The following CPQ variants were observed in gnomAD, a reference collection of about 807,000 sequenced individuals.
CPQ encodes Ser-Met dipeptidase.
CPQ carries 37 observed loss-of-function variants against 45.7 expected under a neutral mutation model. That is an observed-to-expected ratio of 0.81 (90% CI 0.62 to 1.07). The LOEUF (loss-of-function observed/expected upper bound fraction) is 1.07. Among genes scored for constraint, CPQ ranks in the 50% least tolerant of loss-of-function variants. The pLI, the probability that CPQ is intolerant of heterozygous loss-of-function variation, is 0.00. For synonymous variants in CPQ, 186 were observed against 205.8 expected (o/e 0.90, Z 0.82); for missense variants, 537 against 572.9 (o/e 0.94, Z 0.64).
intron 5 of CPQ, among the ~76,000 whole-genome samples, chr8:96,989,669 C>G (rs964573252): frequency 3.9e-5 from 6 of 152,110 alleles, no homozygotes; most frequent in African/African-American, 1.4e-4. Flanking sequence ...TCCAAAGGCT[C>G]TCAGCTGTGA....
intron 3 of CPQ, among the ~76,000 whole-genome samples, chr8:96,836,610 CAT>C (rs1367856987): frequency 6.6e-6 from 1 of 152,146 alleles, no homozygotes; most frequent in Admixed American, 6.5e-5. Context: ...CTTGGAATAA[CAT>C]ATTCAGCAAG....
At chr8:96,704,094 A>G (rs1563473886) in intron 1 of CPQ, among the ~76,000 whole-genome samples, 2 of 152,200 alleles carry the variant, frequency 1.3e-5, no homozygotes, top group Non-Finnish European at 1.5e-5. Flanking sequence ...ATATAGCAGT[A>G]AGACAAAGCC....
At chr8:97,135,160 G>A (rs753301659) in intron 7 of CPQ, among the ~76,000 whole-genome samples, 1 of 152,174 alleles carries the variant, frequency 6.6e-6, no homozygotes, top group Non-Finnish European at 1.5e-5. Context: ...GCTTAGTGGC[G>A]CACCTAAAAC....
chr8:96,718,709 G>C (rs1308968042), intron 1 of CPQ, among the ~76,000 whole-genome samples: 1 of 152,136 alleles, frequency 6.6e-6, no homozygotes, highest in Non-Finnish European at 1.5e-5. Flanking sequence ...TGGTAGAGCC[G>C]AGTGGTCTGT....
intron 3 of CPQ, among the ~76,000 whole-genome samples, chr8:96,845,884 A>T (rs956013271): frequency 1.3e-5 from 2 of 152,128 alleles, no homozygotes; most frequent in African/African-American, 4.8e-5. Flanking sequence ...AAATGGCGCG[A>T]TCTCGGCTCA....
intron 3 of CPQ, among the ~76,000 whole-genome samples, chr8:96,866,464 T>G (rs1227304153): frequency 6.6e-6 from 1 of 152,208 alleles, no homozygotes; most frequent in Non-Finnish European, 1.5e-5. Context: ...AAATTATGTC[T>G]ATTTTGCTAT....
chr8:96,919,657 A>G (rs574422486), intron 4 of CPQ, among the ~76,000 whole-genome samples: 1 of 152,172 alleles, frequency 6.6e-6, no homozygotes, highest in Non-Finnish European at 1.5e-5. Context: ...TGTGACCTAG[A>G]AAAGATTGGA....
intron 5 of CPQ, among the ~76,000 whole-genome samples, chr8:96,986,008 T>TC (rs1808967618): frequency 1.3e-5 from 2 of 152,222 alleles, no homozygotes; most frequent in Non-Finnish European, 2.9e-5. Context: ...TTGTAAACAC[T>TC]GGCATAACAT....
At chr8:96,809,721 TG>T (rs1169040515) in intron 2 of CPQ, among the ~76,000 whole-genome samples, 1 of 152,078 alleles carries the variant, frequency 6.6e-6, no homozygotes, top group Non-Finnish European at 1.5e-5. Context: ...ACTGAAAAAT[TG>T]ATCAATTTCA....
At chr8:96,756,334 A>G (rs10955083) in intron 1 of CPQ, among the ~76,000 whole-genome samples, 82,581 of 151,898 alleles carry the variant, frequency 0.54, 23,613 homozygotes, top group East Asian at 0.86. Flanking sequence ...AGCATTCTCT[A>G]TGTCTTCCTT....
intron 6 of CPQ, among the ~76,000 whole-genome samples, chr8:97,042,060 G>A (rs1355981052): frequency 6.6e-6 from 1 of 152,006 alleles, no homozygotes; most frequent in Non-Finnish European, 1.5e-5. Context: ...AGAAGGAATG[G>A]TACCAGTTCC....
At chr8:97,084,848 G>A (rs1029262663) in intron 7 of CPQ, among the ~76,000 whole-genome samples, 3 of 148,742 alleles carry the variant, frequency 2.0e-5, no homozygotes, top group African/African-American at 7.6e-5. Flanking sequence ...CTCTCTGTGT[G>A]TATGTACACC....
rs200501589 is a variant in CPQ, at chr8:96,794,362, A to G, written c.433+9032A>G. Among the ~76,000 whole-genome samples the G allele has an allele frequency of 4.6e-5, 7 of 152,288 alleles. No individual in the cohort carries two copies. In the East Asian group the frequency reaches 1.2e-3, roughly 25 times the overall value. Reference sequence around the variant, plus strand: ...TCTGAAGCCGTGGTTCAGATTCTACATTGGCCCCTTTCAGCCACAACTAGA... The same window carrying G: ...TCTGAAGCCGTGGTTCAGATTCTACGTTGGCCCCTTTCAGCCACAACTAGA... On this transcript the variant is annotated intron_variant, in intron 2 of 7. Coordinates refer to ENST00000220763, the MANE Select transcript of CPQ (RefSeq NM_016134.4).
chr8:97,045,548 A>T (rs956075773), intron 6 of CPQ, among the ~76,000 whole-genome samples: 3 of 152,206 alleles, frequency 2.0e-5, no homozygotes, highest in Admixed American at 6.5e-5. Flanking sequence ...GGTACCTCAG[A>T]TGGAAATGCA....
At chr8:97,023,011 A>ATATACTG (rs1563557094) in intron 5 of CPQ, among the ~76,000 whole-genome samples, 1 of 142,316 alleles carries the variant, frequency 7.0e-6, no homozygotes, top group African/African-American at 2.5e-5. Flanking sequence ...TATATATACT[A>ATATACTG]TATATAGTAT....
intron 6 of CPQ, among the ~76,000 whole-genome samples, chr8:97,039,871 C>A (rs1167046219): frequency 6.6e-6 from 1 of 151,382 alleles, no homozygotes; most frequent in East Asian, 1.9e-4. Context: ...TTTTCTTAAT[C>A]CAGTCTATCA....
At chr8:97,063,014 G>C (rs546428447) in intron 6 of CPQ, among the ~76,000 whole-genome samples, 2 of 152,138 alleles carry the variant, frequency 1.3e-5, no homozygotes, top group African/African-American at 4.8e-5. Context: ...GGCTTGCTGG[G>C]TTGAATGGTA....
At chr8:97,123,081 T>TAAATAAAATA in intron 7 of CPQ, among the ~76,000 whole-genome samples, 1 of 22,678 alleles carries the variant, frequency 4.4e-5, no homozygotes, top group African/African-American at 1.6e-4. Flanking sequence ...TAAAATAAAA[T>TAAATAAAATA]AAATAAAATA....
chr8:96,730,505 A>G (rs1006512716), intron 1 of CPQ, among the ~76,000 whole-genome samples: 3 of 152,074 alleles, frequency 2.0e-5, no homozygotes, highest in South Asian at 2.1e-4. Context: ...ATAGCCACAG[A>G]AGGAAAGTAC....
Sources: allele counts gnomAD v4.1 joint callset (sites outside exome capture counted in the v4.1 genomes callset), GRCh38; gene constraint gnomAD v4.1.1; transcripts MANE v1.5; gene names NCBI Gene and HGNC (gene_info 2026-07-23, HGNC 2026-07-21).